The following ZNF879 variants were observed in gnomAD, a reference collection of about 807,000 sequenced individuals.
ZNF879 encodes the protein zinc finger protein 879.
Under a neutral mutation model 44.3 loss-of-function variants are expected in ZNF879, and 32 were observed. The ratio of observed to expected loss-of-function variants is 0.72; its 90% CI spans 0.54 to 0.97. The LOEUF (loss-of-function observed/expected upper bound fraction) is 0.97. Ranked by LOEUF, ZNF879 falls within the 50% of genes least tolerant of loss-of-function variation. The pLI, the probability that ZNF879 is intolerant of heterozygous loss-of-function variation, is 0.00. For missense variants in ZNF879, 621 were observed against 669.7 expected (o/e 0.93, Z 0.80); for synonymous variants, 234 against 233.2 (o/e 1.00, Z -0.03).
chr5:179,027,673 G>A, intron 3 of ZNF879, 74 bp downstream of exon 3: 1 of 1,556,542 alleles, frequency 6.4e-7, no homozygotes, highest in Non-Finnish European at 8.7e-7. Flanking sequence ...CATTTGGAGG[G>A]CTTGGCCAGG....
chr5:179,032,357 CTT>C lies in ZNF879; in HGVS notation c.412_413del (p.Phe138GlnfsTer2). On this transcript the variant is annotated frameshift_variant, in exon 5 of 5. Coordinates refer to ENST00000444149, the MANE Select transcript of ZNF879 (RefSeq NM_001136116.3). LOFTEE classifies it high-confidence loss of function. ...GAAGCAACAAGGCAAAAAGAACAGACTTTTCAGTAAAGTGTTAGTTACCATCA... is the reference window on the plus strand; with the variant it reads ...GAAGCAACAAGGCAAAAAGAACAGACTTCAGTAAAGTGTTAGTTACCATCA... Reference protein sequence around the residue: ...LEKQQGKKNRLFSKVLVTIKK... With the variant: ...LEKQQGKKNRXFSKVLVTIKK... The C allele has an allele frequency of 6.4e-7, 1 of 1,551,270 alleles. No homozygotes were observed. Among genetic ancestry groups the C allele is most frequent in the East Asian group, 2.4e-5 (1 of 40,890 alleles).
chr5:179,027,636 AGAGCACC>A lies in ZNF879; in HGVS notation c.160+38_160+44del, dbSNP rs1561734044. On this transcript the variant is annotated intron_variant, in intron 3 of 4. Coordinates refer to ENST00000444149, the MANE Select transcript of ZNF879 (RefSeq NM_001136116.3). ...TCCTCCTGATGCAGAATCTGCCAGG[AGAGCACC>A]TTAGCACCCTCAGGGGGCACATTTG... 2.5e-6 allele frequency: 4 copies of A among 1,607,174 alleles called. No individual in the cohort carries two copies. In the South Asian group the frequency reaches 4.4e-5, roughly 18 times the overall value.
chr5:179,026,310 A>G (rs2113047927), intron 2 of ZNF879, among the ~76,000 whole-genome samples: 1 of 152,350 alleles, frequency 6.6e-6, no homozygotes, highest in South Asian at 2.1e-4. Flanking sequence ...TGTTATTTGT[A>G]TAATGTGATT....
rs1761457168 is a variant in ZNF879 at position 179,032,688 on chromosome 5, T to A, written c.740T>A (p.Leu247Gln). The part of the protein sequence containing the change: ...CRKAFSQSSS[L>Q]TQHLRVHTGE... ...AAAGCCTTCAGCCAAAGCTCATCCC[T>A]AACTCAGCACTTGAGGGTTCATACA... Residue 247 changes from leucine (L) to glutamine (Q), a missense_variant, in exon 5 of 5, where the codon CTA becomes CAA. Coordinates refer to ENST00000444149, the MANE Select transcript of ZNF879 (RefSeq NM_001136116.3). 1 of 1,562,236 alleles carries A rather than the reference T, an allele frequency of 6.4e-7. No homozygotes were observed. Among genetic ancestry groups the A allele is most frequent in the African/African-American group, 1.4e-5 (1 of 73,332 alleles).
chr5:179,032,445 T>TG lies in ZNF879; in HGVS notation c.497_498insG (p.Ser168IlefsTer5). On this transcript the variant is annotated frameshift_variant, in exon 5 of 5. Transcript: ENST00000444149. LOFTEE classifies it high-confidence loss of function. ...GTTGAATTTGGGAAAAATCTTGGTC[T>TG]AAAATCATCGCTTATTAGAAAACCG... 6.4e-7 allele frequency: 1 copy of TG among 1,551,672 alleles called. No individual in the cohort carries two copies. Among genetic ancestry groups the TG allele is most frequent in the Non-Finnish European group, 8.7e-7 (1 of 1,146,978 alleles).
At chr5:179,029,424 A>G (rs931344928) in intron 4 of ZNF879, among the ~76,000 whole-genome samples, 9 of 152,126 alleles carry the variant, frequency 5.9e-5, no homozygotes, top group African/African-American at 9.7e-5. Flanking sequence ...ATGTGAGGCA[A>G]TTGACTGCAA....
chr5:179,030,412 G>A (rs751979227), intron 4 of ZNF879, among the ~76,000 whole-genome samples: 1 of 152,088 alleles, frequency 6.6e-6, no homozygotes, highest in African/African-American at 2.4e-5. Flanking sequence ...AAAGGAGGAG[G>A]GTAAATGACT....
Position 179,025,053 on chromosome 5 carries a change from T to G in ZNF879, c.33+16T>G, listed in dbSNP as rs561181966. On this transcript the variant is annotated intron_variant, in intron 2 of 4. Coordinates refer to ENST00000444149, the MANE Select transcript of ZNF879 (RefSeq NM_001136116.3). ...CCATGTACAGGTGAGTGAAGGCTTC[T>G]TTTTGCTTGAACTGCCTTCAGGGTC... 1.3e-6 allele frequency: 2 copies of G among 1,551,430 alleles called. No individual in the cohort carries two copies. The highest frequency in any genetic ancestry group is 3.9e-5 in the Admixed American group (2 of 50,996).
Position 179,032,353 on chromosome 5 carries a change from C to T in ZNF879, c.405C>T (p.Asn135=). Residue 135 remains asparagine, a synonymous_variant, in exon 5 of 5, where the codon AAC becomes AAT. Transcript: ENST00000444149. ...TAGAGAAGCAACAAGGCAAAAAGAA[C>T]AGACTTTTCAGTAAAGTGTTAGTTA... ...DKLEKQQGKK[N]RLFSKVLVTI... The T allele has an allele frequency of 6.4e-7, 1 of 1,551,266 alleles. No homozygotes were observed. Among genetic ancestry groups the T allele is most frequent in the Non-Finnish European group, 8.7e-7 (1 of 1,146,912 alleles).
chr5:179,024,225 T>C (rs1232443369), intron 1 of ZNF879, among the ~76,000 whole-genome samples: 1 of 152,156 alleles, frequency 6.6e-6, no homozygotes, highest in East Asian at 1.9e-4. Flanking sequence ...GCTCTTAGTG[T>C]TTGTGGGTTT....
chr5:179,032,767 A>C lies in ZNF879; in HGVS notation c.819A>C (p.Thr273=). The part of the protein sequence containing the change: ...SECGKAFSFT[T]SLIGHQRMHT... ...GTGGAAAAGCCTTCAGTTTCACCAC[A>C]TCTCTTATTGGACACCAGAGAATGC... Residue 273 remains threonine, a synonymous_variant, in exon 5 of 5, where the codon ACA becomes ACC. Coordinates refer to ENST00000444149, the MANE Select transcript of ZNF879 (RefSeq NM_001136116.3). 1 of 1,554,300 alleles carries C rather than the reference A, an allele frequency of 6.4e-7. No homozygotes were observed.
chr5:179,029,759 GAGAC>G (rs559814531), intron 4 of ZNF879, among the ~76,000 whole-genome samples: 2 of 152,188 alleles, frequency 1.3e-5, no homozygotes, highest in Admixed American at 6.5e-5. Context: ...TTGTGTGTGA[GAGAC>G]AGACACAGTG....
rs1282233688 is a variant in ZNF879 at position 179,032,794 on chromosome 5, T to C, written c.846T>C (p.His282=). Residue 282 remains histidine (H), a synonymous_variant, in exon 5 of 5, where the codon CAT becomes CAC. Coordinates refer to ENST00000444149, the MANE Select transcript of ZNF879 (RefSeq NM_001136116.3). ...CTCTTATTGGACACCAGAGAATGCATACTGGAGAGAGACCTTATAAATGCA... is the reference window on the plus strand; with the variant it reads ...CTCTTATTGGACACCAGAGAATGCACACTGGAGAGAGACCTTATAAATGCA... The part of the protein sequence containing the change: ...TTSLIGHQRM[H]TGERPYKCKE... 2 of 1,554,262 alleles carry C rather than the reference T, an allele frequency of 1.3e-6. No individual in the cohort carries two copies. The highest frequency in any genetic ancestry group is 1.7e-6 in the Non-Finnish European group (2 of 1,148,710).
At chr5:179,029,815 A>G (rs746096751) in intron 4 of ZNF879, among the ~76,000 whole-genome samples, 2 of 152,198 alleles carry the variant, frequency 1.3e-5, no homozygotes, top group African/African-American at 4.8e-5. Flanking sequence ...TTTGTTCTTG[A>G]TCCTGTTTTA....
intron 4 of ZNF879, among the ~76,000 whole-genome samples, chr5:179,029,725 A>G (rs1482858200): frequency 6.6e-6 from 1 of 152,214 alleles, no homozygotes; most frequent in African/African-American, 2.4e-5. Flanking sequence ...TACCCATTCA[A>G]ACTGCATATT....
chr5:179,027,528 A>G lies in ZNF879; in HGVS notation c.89A>G (p.His30Arg), dbSNP rs768424784. The G allele has an allele frequency of 1.9e-6, 3 of 1,614,082 alleles. No homozygotes were observed. Among genetic ancestry groups the G allele is most frequent in the South Asian group, 2.2e-5 (2 of 91,072 alleles). The change falls in exon 3 of 5, where the codon CAC (histidine) becomes CGC (arginine). Residue 30 changes from histidine (H) to arginine (R), a missense_variant. Coordinates refer to ENST00000444149, the MANE Select transcript of ZNF879 (RefSeq NM_001136116.3). ...TTCTTCAGCCAGGACGAGTGGTTGC[A>G]CCTGGACTCTGCCCAGAGAGCCTTG... ...AVFFSQDEWL[H>R]LDSAQRALYR... is the part of the protein sequence containing the mutation.
At chr5:179,028,199 T>C (rs1197664513) in intron 4 of ZNF879, 72 bp downstream of exon 4, 3 of 1,340,662 alleles carry the variant, frequency 2.2e-6, no homozygotes, top group Non-Finnish European at 3.1e-6. Context: ...GAGGCTGCGC[T>C]CAAGGGTCTC....
At chr5:179,024,242 C>T (rs988390944) in intron 1 of ZNF879, among the ~76,000 whole-genome samples, 1 of 152,232 alleles carries the variant, frequency 6.6e-6, no homozygotes, top group Non-Finnish European at 1.5e-5. Context: ...GTTTAAGCCT[C>T]CCCCTACTCC....
intron 4 of ZNF879, among the ~76,000 whole-genome samples, chr5:179,028,790 C>G (rs1211562087): frequency 6.6e-6 from 1 of 152,178 alleles, no homozygotes; most frequent in African/African-American, 2.4e-5. Flanking sequence ...GCATTATCAG[C>G]TTCCGCATTC....
Sources: gnomAD v4.1 joint callset for allele counts (sites outside exome capture counted in the v4.1 genomes callset) on GRCh38, gnomAD v4.1.1 for gene constraint, MANE v1.5 for transcripts, NCBI Gene and HGNC (gene_info 2026-07-23, HGNC 2026-07-21) for gene names.